Variants in NOS2 observed in about 807,000 individuals in gnomAD.
NOS2 encodes the protein nitric oxide synthase, inducible.
Under a neutral mutation model 136.0 loss-of-function variants are expected in NOS2, and 96 were observed. The ratio of observed to expected loss-of-function variants is 0.71; its 90% CI spans 0.60 to 0.84. The LOEUF (loss-of-function observed/expected upper bound fraction) is 0.84. Among genes scored for constraint, NOS2 ranks in the 40% least tolerant of loss-of-function variants. The pLI, the probability that NOS2 is intolerant of heterozygous loss-of-function variation, is 0.00. For missense variants in NOS2, 1,237 were observed against 1,496.9 expected (o/e 0.83, Z 2.87); for synonymous variants, 539 against 587.5 (o/e 0.92, Z 1.20).
In NOS2 at chr17:27,783,077, AC is replaced by A; in HGVS notation, c.496del (p.Val166TrpfsTer4). The A allele has an allele frequency of 1.9e-6, 3 of 1,614,098 alleles. No individual in the cohort carries two copies. Among genetic ancestry groups the A allele is most frequent in the Non-Finnish European group, 2.5e-6 (3 of 1,180,018 alleles). On this transcript the variant is annotated frameshift_variant, in exon 6 of 27. Transcript: ENST00000313735. LOFTEE classifies it high-confidence loss of function. ...TTCTATCTCCTTTGTTACCGCTTCCACCCTGGCCAGATGTTCCTCTATTTTT... is the reference window on the plus strand; with the variant it reads ...TTCTATCTCCTTTGTTACCGCTTCCACCTGGCCAGATGTTCCTCTATTTTT... The part of the protein sequence containing the change: ...EAKIEEHLAR[V>X]EAVTKEIETT...
chr17:27,779,013 G>A lies in NOS2; in HGVS notation c.1048C>T (p.Pro350Ser). Residue 350 changes from proline (P) to serine (S), a missense_variant, in exon 10 of 27, where the codon CCT (proline) becomes TCT (serine). Physicochemically the swap from Pro to Ser is moderately conservative, Grantham distance 74. Transcript: ENST00000313735. ...TCAAGCAGCATGTTGGCCACTGCAG[G>A]CAGGGCGTACCACTTTAGCTCCAGT... The part of the protein sequence containing the change: ...RELELKWYAL[P>S]AVANMLLEVG... 1 of 1,606,370 alleles carries A rather than the reference G, an allele frequency of 6.2e-7. No homozygotes were observed. The highest frequency in any genetic ancestry group is 8.5e-7 in the Non-Finnish European group (1 of 1,175,154).
At chr17:27,791,772 A>C (rs1421170871) in intron 2 of NOS2, among the ~76,000 whole-genome samples, 1 of 141,548 alleles carries the variant, frequency 7.1e-6, no homozygotes, top group Non-Finnish European at 1.5e-5. Context: ...CCTGCCAGAA[A>C]AAAACAAAAC....
intron 5 of NOS2, among the ~76,000 whole-genome samples, chr17:27,784,348 A>G (rs1004107054): frequency 6.6e-6 from 1 of 152,218 alleles, no homozygotes; most frequent in Non-Finnish European, 1.5e-5. Flanking sequence ...AAAAAGCACA[A>G]AGACAAAACA....
In NOS2 at chr17:27,769,047, G is replaced by A. The variant is rs183645530; in HGVS notation, c.1964C>T (p.Pro655Leu). The A allele has an allele frequency of 1.0e-4, 164 of 1,612,470 alleles. 1 individual carries two copies. The highest frequency in any genetic ancestry group is 3.1e-4 in the South Asian group (28 of 90,706). ...ACTGAGCTCATCCCCTTCTCCCATC[G>A]GGGTGAGCTGAGAGGCCCCCAGGTG... ...LSHLGASQLT[P>L]MGEGDELSGQ... The change falls in exon 17 of 27, where the codon CCG (proline) becomes CTG (leucine). Residue 655 changes from proline (P) to leucine (L), a missense_variant. By Grantham distance (98) the Pro-to-Leu change is moderately conservative. This residue lies in a region of NOS2 where 782 missense variants were observed against 909.9 expected (regional missense o/e 0.86). Coordinates refer to ENST00000313735, the MANE Select transcript of NOS2 (RefSeq NM_000625.4).
At chr17:27,791,777 C>CAAAAAAA (rs1567643042) in intron 2 of NOS2, among the ~76,000 whole-genome samples, 3 of 110,910 alleles carry the variant, frequency 2.7e-5, no homozygotes, top group African/African-American at 1.5e-4. Context: ...CAGAAAAAAA[C>CAAAAAAA]AAAACAAAAC....
At chr17:27,766,643 G>A in intron 18 of NOS2, 55 bp from the exon 19 acceptor site, 1 of 1,423,326 alleles carries the variant, frequency 7.0e-7, no homozygotes, top group Admixed American at 1.7e-5. Context: ...GCGTAGGTAG[G>A]GGAAGCCCCC....
intron 14 of NOS2, 134 bp from the exon 15 acceptor site, chr17:27,771,151 C>G (rs1250216093): frequency 1.4e-5 from 9 of 650,226 alleles, no homozygotes; most frequent in African/African-American, 1.3e-4. Context: ...TCCCAGGGCC[C>G]GGCACAGGCG....
At chr17:27,772,898 G>A (rs546424350) in intron 13 of NOS2, among the ~76,000 whole-genome samples, 2 of 152,256 alleles carry the variant, frequency 1.3e-5, no homozygotes, top group Admixed American at 6.5e-5. Flanking sequence ...TTAGTCAGGC[G>A]TGGGTTTGTA....
Position 27,773,263 on chromosome 17 carries a change from T to C in NOS2, c.1477-20A>G, listed in dbSNP as rs940466592. On this transcript the variant is annotated intron_variant, in intron 12 of 26. Coordinates refer to ENST00000313735, the MANE Select transcript of NOS2 (RefSeq NM_000625.4). ...CTCTACCTTCAGAAAAGAAAGGAGA[T>C]GTGAGGGCAGGGCGGGGTCCTGGCT... 3 of 1,597,102 alleles carry C rather than the reference T, an allele frequency of 1.9e-6. No individual in the cohort carries two copies. The highest frequency in any genetic ancestry group is 2.7e-5 in the African/African-American group (2 of 74,460).
chr17:27,761,572 A>C lies in NOS2; in HGVS notation c.2801-341T>G, dbSNP rs559919983. 2.0e-5 allele frequency among the ~76,000 whole-genome samples: 3 copies of C among 152,240 alleles called. No homozygotes were observed. The East Asian group carries it at 5.8e-4, about 29-fold the overall frequency. ...ACTCCTACTCCAGTGCTCCTTCCAA[A>C]GACTTTCTCCGGGAACACTCCCAGC... On this transcript the variant is annotated intron_variant, in intron 22 of 26. Coordinates refer to ENST00000313735, the MANE Select transcript of NOS2 (RefSeq NM_000625.4).
intron 11 of NOS2, among the ~76,000 whole-genome samples, chr17:27,777,517 C>T (rs920729961): frequency 6.6e-6 from 1 of 152,202 alleles, no homozygotes; most frequent in East Asian, 1.9e-4. Flanking sequence ...GCAGCCACAG[C>T]TCACAGGTCC....
At chr17:27,787,468 C>T (rs1420870807) in intron 5 of NOS2, among the ~76,000 whole-genome samples, 2 of 152,184 alleles carry the variant, frequency 1.3e-5, no homozygotes, top group East Asian at 3.8e-4. Context: ...ACTGGTATTG[C>T]TATGTACAAC....
In NOS2 at chr17:27,780,761, A is replaced by C; in HGVS notation, c.1004+6T>G. 1.2e-6 allele frequency: 2 copies of C among 1,614,200 alleles called. No individual in the cohort carries two copies. Among genetic ancestry groups the C allele is most frequent in the Non-Finnish European group, 1.7e-6 (2 of 1,180,032 alleles). ...CCCTTGCCCCCAGCACCCTCAGCCT[A>C]CTTACTTGGGATGTTCCATGGCCAC... On this transcript the variant is annotated splice_donor_region_variant and intron_variant, in intron 9 of 26. Transcript: ENST00000313735.
At position 27,788,941 on chromosome 17, in the gene NOS2, GA is replaced by G. The variant is rs756253483; in HGVS notation, c.196-11del. Reference sequence around the variant, plus strand: ...GAGATTCTGGAGACTTCTGCAAGGGGAAAAAACAGGGTTTTCTCTCAGGTCT... The same window carrying G: ...GAGATTCTGGAGACTTCTGCAAGGGGAAAAACAGGGTTTTCTCTCAGGTCT... On this transcript the variant is annotated splice_polypyrimidine_tract_variant and intron_variant, in intron 3 of 26. Transcript: ENST00000313735. 4 of 1,610,942 alleles carry G rather than the reference GA, an allele frequency of 2.5e-6. No homozygotes were observed. The highest frequency in any genetic ancestry group is 3.4e-6 in the Non-Finnish European group (4 of 1,178,608).
intron 2 of NOS2, among the ~76,000 whole-genome samples, chr17:27,794,307 G>A (rs1177610827): frequency 1.3e-5 from 2 of 152,194 alleles, no homozygotes. Context: ...GAAAGCACTG[G>A]GTTAGGGGTG....
chr17:27,769,260 T>C, intron 16 of NOS2, 109 bp from the exon 17 acceptor site: 1 of 1,131,280 alleles, frequency 8.8e-7, no homozygotes, highest in Non-Finnish European at 1.2e-6. Context: ...CCCCTCCAGC[T>C]GGAGAATGGA....
intron 23 of NOS2, 55 bp downstream of exon 23, chr17:27,761,089 C>A: frequency 2.1e-6 from 3 of 1,452,784 alleles, no homozygotes; most frequent in Non-Finnish European, 2.8e-6. Context: ...CCTTTCCTCC[C>A]GGAACTCCCA....
chr17:27,797,569 C>T (rs1909391995), intron 2 of NOS2, among the ~76,000 whole-genome samples: 1 of 152,326 alleles, frequency 6.6e-6, no homozygotes. Context: ...CACTCAGGGC[C>T]GTCATGCTGT....
chr17:27,774,188 GCACACA>G, intron 12 of NOS2, 63 bp downstream of exon 12: 3 of 1,084,904 alleles, frequency 2.8e-6, no homozygotes, highest in Non-Finnish European at 3.7e-6. Flanking sequence ...ACAATGAGGT[GCACACA>G]CACACACACA....
Sources: allele counts gnomAD v4.1 joint callset (sites outside exome capture counted in the v4.1 genomes callset), GRCh38; gene constraint gnomAD v4.1.1; regional missense constraint gnomAD v4.1.1; transcripts MANE v1.5; gene names NCBI Gene and HGNC (gene_info 2026-07-23, HGNC 2026-07-21).